Variants in TSPAN9 observed in about 807,000 individuals in gnomAD.
The protein encoded by TSPAN9 is tetraspanin 9.
In TSPAN9, 16 loss-of-function variants were observed where a neutral mutation model predicts 31.0. That is an observed-to-expected ratio of 0.52 (90% CI 0.35 to 0.78). The LOEUF is 0.78. TSPAN9 is among the 30% of genes least tolerant of loss of function. The pLI, the probability that TSPAN9 is intolerant of heterozygous loss-of-function variation, is 0.01. For missense variants in TSPAN9, 272 were observed against 312.5 expected (o/e 0.87, Z 0.98); for synonymous variants, 145 against 121.6 (o/e 1.19, Z -1.27).
rs569063854 is a variant in TSPAN9, at chr12:3,251,785, C to T, written c.64-26636C>T. ...GGAGGAATGGGCAGCCTGTCGGCAC[C>T]GGCTTGAGCTCAGAGCTGGGATAGG... On this transcript the variant is annotated intron_variant, in intron 3 of 8. Coordinates refer to ENST00000011898, the MANE Select transcript of TSPAN9 (RefSeq NM_006675.5). Among the ~76,000 whole-genome samples, 8 of 152,310 alleles carry T rather than the reference C, an allele frequency of 5.3e-5. No individual in the cohort carries two copies. The East Asian group carries it at 5.8e-4, about 11-fold the overall frequency.
chr12:3,274,290 G>A (rs1268380599), intron 3 of TSPAN9, among the ~76,000 whole-genome samples: 1 of 152,212 alleles, frequency 6.6e-6, no homozygotes, highest in African/African-American at 2.4e-5. Context: ...TCTCAGACTC[G>A]GCTAAGACTG....
chr12:3,079,944 A>AT (rs1365173743), intron 1 of TSPAN9, among the ~76,000 whole-genome samples: 9 of 130,242 alleles, frequency 6.9e-5, no homozygotes, highest in East Asian at 6.6e-4. Context: ...TAATTAAAAA[A>AT]ATTTTTTTTT....
chr12:3,220,069 C>G (rs56207410), intron 3 of TSPAN9, among the ~76,000 whole-genome samples: 2 of 151,070 alleles, frequency 1.3e-5, no homozygotes, highest in African/African-American at 4.9e-5. Context: ...TGCTTGAACC[C>G]GGGAGGCGGA....
rs1386920654 is a variant in TSPAN9 at position 3,284,766 on chromosome 12, G to C, written c.*1650G>C. The C allele has an allele frequency of 1.3e-5, 2 of 152,210 alleles. No individual in the cohort carries two copies. Among genetic ancestry groups the C allele is most frequent in the Non-Finnish European group, 2.9e-5 (2 of 68,056 alleles). The allele number at this position is 152,210 out of a possible 1,614,324, so 9.4% of individuals were successfully genotyped here. On this transcript the variant is annotated 3_prime_UTR_variant, in exon 9 of 9. Transcript: ENST00000011898. ...AGCGTCTGCTGCACTTGATCAGGTG[G>C]GGCCTTGGTGGGCGGCTGCCTTTCC...
chr12:3,256,134 G>T (rs943958817), intron 3 of TSPAN9, among the ~76,000 whole-genome samples: 1 of 152,166 alleles, frequency 6.6e-6, no homozygotes, highest in Non-Finnish European at 1.5e-5. Flanking sequence ...CTGTTGGGTT[G>T]TCAGGAGCCA....
At chr12:3,099,290 A>G (rs1269202604) in intron 2 of TSPAN9, among the ~76,000 whole-genome samples, 2 of 152,178 alleles carry the variant, frequency 1.3e-5, no homozygotes, top group African/African-American at 2.4e-5. Context: ...GATCTTCTGC[A>G]GTGGGTAATC....
chr12:3,077,433 C>G lies in TSPAN9; in HGVS notation c.-105C>G, dbSNP rs1288615106. ...TGCCGGAGCGCGAGCAGAGCGGAGACCCCCAGGTCCTGCGGGCGCGGTGAG... is the reference window on the plus strand; with the variant it reads ...TGCCGGAGCGCGAGCAGAGCGGAGAGCCCCAGGTCCTGCGGGCGCGGTGAG... On this transcript the variant is annotated 5_prime_UTR_variant, in exon 1 of 9. Transcript: ENST00000011898. 2.0e-5 allele frequency: 3 copies of G among 151,636 alleles called. No homozygotes were observed. The highest frequency in any genetic ancestry group is 2.0e-4 in the East Asian group (1 of 5,052). The allele number at this position is 151,636 out of a possible 1,614,324, so 9.4% of individuals were successfully genotyped here.
intron 2 of TSPAN9, among the ~76,000 whole-genome samples, chr12:3,102,297 T>TA (rs1362540819): frequency 1.3e-5 from 2 of 151,994 alleles, no homozygotes; most frequent in Admixed American, 1.3e-4. Flanking sequence ...CCAACATTTT[T>TA]AAAATTTTTT....
At chr12:3,081,850 A>G (rs1016282643) in intron 1 of TSPAN9, among the ~76,000 whole-genome samples, 3 of 101,326 alleles carry the variant, frequency 3.0e-5, no homozygotes, top group African/African-American at 2.8e-5. Flanking sequence ...GTGTGTATAT[A>G]TATGCCAGGT....
chr12:3,136,505 G>A (rs559248497), intron 2 of TSPAN9, among the ~76,000 whole-genome samples: 146 of 152,302 alleles, frequency 9.6e-4, no homozygotes, highest in Non-Finnish European at 1.6e-3. Flanking sequence ...AGAAGTGAAG[G>A]ATGCCTCCAG....
intron 2 of TSPAN9, among the ~76,000 whole-genome samples, chr12:3,145,580 G>A (rs529868863): frequency 4.6e-5 from 7 of 152,142 alleles, no homozygotes; most frequent in Non-Finnish European, 7.4e-5. Context: ...AAACTCACTC[G>A]TCACCCTGAA....
intron 2 of TSPAN9, among the ~76,000 whole-genome samples, chr12:3,105,796 G>GCACACGCTCATACACACTCACA (rs2098314200): frequency 7.7e-6 from 1 of 130,178 alleles, no homozygotes; most frequent in Non-Finnish European, 1.7e-5. Context: ...ACACACTCAC[G>GCACACGCTCATACACACTCACA]CACACATGCG....
chr12:3,130,307 T>C (rs1224825159), intron 2 of TSPAN9, among the ~76,000 whole-genome samples: 1 of 152,220 alleles, frequency 6.6e-6, no homozygotes, highest in Non-Finnish European at 1.5e-5. Context: ...AAGTTCCCCA[T>C]TTTTCCCCCT....
chr12:3,141,497 G>A (rs1361836556), intron 2 of TSPAN9, among the ~76,000 whole-genome samples: 1 of 152,160 alleles, frequency 6.6e-6, no homozygotes, highest in African/African-American at 2.4e-5. Flanking sequence ...CATCTTTCTA[G>A]GGCCAGCAGG....
At chr12:3,131,909 C>G (rs1247301246) in intron 2 of TSPAN9, among the ~76,000 whole-genome samples, 1 of 152,188 alleles carries the variant, frequency 6.6e-6, no homozygotes, top group Non-Finnish European at 1.5e-5. Context: ...GACTATGAAT[C>G]CTGCACCCCT....
Position 3,141,622 on chromosome 12 carries a change from G to T in TSPAN9, c.-18+57903G>T, listed in dbSNP as rs75909283. 9.3e-3 allele frequency among the ~76,000 whole-genome samples: 1,420 copies of T among 152,138 alleles called. 22 individuals carry two copies. Among genetic ancestry groups the T allele is most frequent in the African/African-American group, 0.032 (1,334 of 41,494 alleles). On this transcript the variant is annotated intron_variant, in intron 2 of 8. Transcript: ENST00000011898. ...TCGGCTGCAGCTGCGCTTGTGTTTT[G>T]CCCTGACTCCTCGGTGTGCACGTGT... is the stretch of plus-strand genomic sequence containing the variant.
At chr12:3,079,348 C>T (rs10848784) in intron 1 of TSPAN9, among the ~76,000 whole-genome samples, 63,017 of 152,188 alleles carry the variant, frequency 0.41, 15,211 homozygotes, top group African/African-American at 0.68. Context: ...AGTATCTTAT[C>T]TAAGGTCACA....
At chr12:3,097,401 A>G (rs779595376) in intron 2 of TSPAN9, among the ~76,000 whole-genome samples, 2 of 152,196 alleles carry the variant, frequency 1.3e-5, no homozygotes, top group African/African-American at 4.8e-5. Flanking sequence ...ATTCCCAGCC[A>G]CTGGCTTCTG....
At chr12:3,105,718 C>G (rs1364194352) in intron 2 of TSPAN9, among the ~76,000 whole-genome samples, 1 of 151,016 alleles carries the variant, frequency 6.6e-6, no homozygotes, top group East Asian at 1.9e-4. Context: ...CTAGGGCCTG[C>G]TTTGTGTGCA....
Sources: gnomAD v4.1 joint callset for allele counts (sites outside exome capture counted in the v4.1 genomes callset) on GRCh38, gnomAD v4.1.1 for gene constraint, MANE v1.5 for transcripts, NCBI Gene and HGNC (gene_info 2026-07-23, HGNC 2026-07-21) for gene names.